GTSE1: variants seen among roughly 807,000 people sequenced by gnomAD.
GTSE1 encodes G2 and S-phase expressed 1.
Under a neutral mutation model 60.5 loss-of-function variants are expected in GTSE1, and 52 were observed. The observed-to-expected ratio is 0.86, with a 90% CI of 0.69 to 1.08. GTSE1 has a LOEUF of 1.08. GTSE1 is among the 50% of genes least tolerant of loss of function. GTSE1 has a pLI of 0.00. For synonymous variants in GTSE1, 368 were observed against 386.5 expected (o/e 0.95, Z 0.56); for missense variants, 937 against 961.8 (o/e 0.97, Z 0.34).
rs570483728 is a variant in GTSE1 at position 46,306,416 on chromosome 22, C to T, written c.80-1734C>T. On this transcript the variant is annotated intron_variant, in intron 2 of 11. Coordinates refer to ENST00000454366, the MANE Select transcript of GTSE1 (RefSeq NM_016426.7). ...CAGGATGGTCTTGATCTCCTGACCTCGTGATCCGCCCGCCTCGGCCTCCCA... is the reference window on the plus strand; with the variant it reads ...CAGGATGGTCTTGATCTCCTGACCTTGTGATCCGCCCGCCTCGGCCTCCCA... Among the ~76,000 whole-genome samples the T allele has an allele frequency of 5.0e-4, 76 of 151,850 alleles. No individual in the cohort carries two copies. In the East Asian group the frequency reaches 7.6e-3, roughly 15 times the overall value.
In GTSE1 at chr22:46,318,792, C is replaced by T. The variant is rs983887282; in HGVS notation, c.1432+2380C>T. Among the ~76,000 whole-genome samples, 1 of 152,106 alleles carries T rather than the reference C, an allele frequency of 6.6e-6. No homozygotes were observed. Among genetic ancestry groups the T allele is most frequent in the African/African-American group, 2.4e-5 (1 of 41,398 alleles). ...CGCTGCGGTCGGGATTCTGCGTAGACGTGCGACAGCTGGTCAGTACTCCTT... is the reference window on the plus strand; with the variant it reads ...CGCTGCGGTCGGGATTCTGCGTAGATGTGCGACAGCTGGTCAGTACTCCTT... On this transcript the variant is annotated intron_variant, in intron 7 of 11. Coordinates refer to ENST00000454366, the MANE Select transcript of GTSE1 (RefSeq NM_016426.7). The surrounding 1 kb of genome is among the most constrained non-coding windows in gnomAD (Gnocchi z 4.8).
chr22:46,312,830 A>T (rs1838948086), intron 5 of GTSE1, among the ~76,000 whole-genome samples: 1 of 152,032 alleles, frequency 6.6e-6, no homozygotes. Context: ...CGTTTCCCTC[A>T]TGTAGAGTTC....
At chr22:46,307,113 T>G (rs965399624) in intron 2 of GTSE1, among the ~76,000 whole-genome samples, 2 of 152,090 alleles carry the variant, frequency 1.3e-5, no homozygotes, top group African/African-American at 2.4e-5. Flanking sequence ...GAACTTGTGA[T>G]CTGTTTTAGA....
At chr22:46,323,087 C>T in intron 7 of GTSE1, 103 bp from the exon 8 acceptor site, 1 of 806,850 alleles carries the variant, frequency 1.2e-6, no homozygotes, top group Non-Finnish European at 2.2e-6. Context: ...CAAGTTGGGA[C>T]AGTGGAGATA....
rs529216448 is a variant in GTSE1 at position 46,314,236 on chromosome 22, C to T, written c.1051+223C>T. Among the ~76,000 whole-genome samples the T allele has an allele frequency of 1.8e-4, 28 of 152,330 alleles. No individual in the cohort carries two copies. Among genetic ancestry groups the T allele is most frequent in the African/African-American group, 6.7e-4 (28 of 41,570 alleles). ...CACTCAGATGGGTGGCTTCAGTCTA[C>T]GGGGTACACATGGCCAGAAAGCATG... On this transcript the variant is annotated intron_variant, in intron 6 of 11. Coordinates refer to ENST00000454366, the MANE Select transcript of GTSE1 (RefSeq NM_016426.7). The surrounding 1 kb of genome is among the most constrained non-coding windows in gnomAD (Gnocchi z 7.1).
chr22:46,323,638 G>T (rs2077826684), intron 8 of GTSE1, among the ~76,000 whole-genome samples: 1 of 152,212 alleles, frequency 6.6e-6, no homozygotes, highest in Non-Finnish European at 1.5e-5. Context: ...GGGTGACTGT[G>T]ACTTGTACCG....
rs1327184172 is a variant in GTSE1 at position 46,324,795 on chromosome 22, G to T, written c.1505+1533G>T. Among the ~76,000 whole-genome samples, 2 of 152,188 alleles carry T rather than the reference G, an allele frequency of 1.3e-5. No homozygotes were observed. The highest frequency in any genetic ancestry group is 2.9e-5 in the Non-Finnish European group (2 of 68,034). ...GTTGACAGCAGTTGCTCTCTGGAGT[G>T]ATTCTGTTTCTCTCTTGATTTCAGC... On this transcript the variant is annotated intron_variant, in intron 8 of 11. Transcript: ENST00000454366. The surrounding 1 kb of genome is among the most constrained non-coding windows in gnomAD (Gnocchi z 5.2).
In GTSE1 at chr22:46,324,681, C is replaced by G. The variant is rs1395712377; in HGVS notation, c.1505+1419C>G. On this transcript the variant is annotated intron_variant, in intron 8 of 11. Coordinates refer to ENST00000454366, the MANE Select transcript of GTSE1 (RefSeq NM_016426.7). This position sits in a 1 kb window ranked among gnomAD's most constrained non-coding sequence, Gnocchi z 5.2. ...CGCGCCTGGCCGGAATTTTTATTTT[C>G]ACTGGAATTTGTGGTGGGGCTGCCA... Among the ~76,000 whole-genome samples the G allele has an allele frequency of 6.6e-6, 1 of 152,082 alleles. No individual in the cohort carries two copies. The highest frequency in any genetic ancestry group is 1.5e-5 in the Non-Finnish European group (1 of 68,002).
At position 46,316,482 on chromosome 22, in the gene GTSE1, A is replaced by T; in HGVS notation, c.1432+70A>T. 1 of 1,049,728 alleles carries T rather than the reference A, an allele frequency of 9.5e-7. No homozygotes were observed. The highest frequency in any genetic ancestry group is 1.4e-6 in the Non-Finnish European group (1 of 712,528). The allele number at this position is 1,049,728 out of a possible 1,614,324, so 65.0% of individuals were successfully genotyped here. On this transcript the variant is annotated intron_variant, in intron 7 of 11. Transcript: ENST00000454366. The surrounding 1 kb of genome is among the most constrained non-coding windows in gnomAD (Gnocchi z 5.0). ...GAAATTGCATTTAAAGTTTTAAACA[A>T]TTATTGATGGCATTGATGGTGTTTT...
At chr22:46,299,272 C>T (rs565715123) in intron 2 of GTSE1, among the ~76,000 whole-genome samples, 1 of 152,374 alleles carries the variant, frequency 6.6e-6, no homozygotes, top group East Asian at 1.9e-4. Flanking sequence ...CCGCTTTGTG[C>T]TTTCGCCCTC....
In GTSE1 at chr22:46,330,741, A is replaced by C. The variant is rs1034101925; in HGVS notation, c.*611A>C. On this transcript the variant is annotated 3_prime_UTR_variant, in exon 12 of 12. Transcript: ENST00000454366. The surrounding 1 kb of genome is among the most constrained non-coding windows in gnomAD (Gnocchi z 6.0). ...TAGCAAGTGGCTATTTTTAAAGTTA[A>C]GTTTGTATAAATAGTTAGATATTCT... The C allele has an allele frequency of 3.3e-5, 5 of 152,438 alleles. No individual in the cohort carries two copies. Among genetic ancestry groups the C allele is most frequent in the African/African-American group, 4.8e-5 (2 of 41,444 alleles). 9.4% of individuals were successfully genotyped at this position (152,438 alleles called of 1,614,324 possible). A position where few individuals can be genotyped will look rare whatever the true frequency, so the allele number is the denominator to read the frequency against.
chr22:46,326,253 G>T (rs2147833392), intron 8 of GTSE1, among the ~76,000 whole-genome samples, 183 bp from the exon 9 acceptor site: 1 of 152,382 alleles, frequency 6.6e-6, no homozygotes, highest in East Asian at 1.9e-4. Flanking sequence ...TGGGTTGGTA[G>T]CAGCTCGGAG....
chr22:46,312,207 G>A lies in GTSE1; in HGVS notation c.829G>A (p.Asp277Asn). ...CCCAGCTGAGAAGGAATCCCACCGGGATGTTCTCCCTGACAAACCTGCCCC... is the reference window on the plus strand; with the variant it reads ...CCCAGCTGAGAAGGAATCCCACCGGAATGTTCTCCCTGACAAACCTGCCCC... ...KIPAEKESHR[D>N]VLPDKPAPGA... Residue 277 changes from aspartate to asparagine, a missense_variant, in exon 5 of 12, where the codon GAT (aspartate) becomes AAT (asparagine). By Grantham distance (23) the Asp-to-Asn change is conservative. Coordinates refer to ENST00000454366, the MANE Select transcript of GTSE1 (RefSeq NM_016426.7). 1.2e-6 allele frequency: 2 copies of A among 1,614,116 alleles called. No individual in the cohort carries two copies. Among genetic ancestry groups the A allele is most frequent in the East Asian group, 2.2e-5 (1 of 44,884 alleles).
Position 46,317,870 on chromosome 22 carries a change from C to T in GTSE1, c.1432+1458C>T, listed in dbSNP as rs370169075. Among the ~76,000 whole-genome samples the T allele has an allele frequency of 3.6e-4, 54 of 152,042 alleles. No individual in the cohort carries two copies. The highest frequency in any genetic ancestry group is 3.4e-3 in the Middle Eastern group (1 of 294). On this transcript the variant is annotated intron_variant, in intron 7 of 11. Transcript: ENST00000454366. The surrounding 1 kb of genome is among the most constrained non-coding windows in gnomAD (Gnocchi z 5.6). ...CTCCGCTCGTTGCTCCCTGGTAAGA[C>T]GGCGGTTTCTCGGCCCTGTGAGCTC...
rs372738082 is a variant in GTSE1 at position 46,308,531 on chromosome 22, G to A, written c.350G>A (p.Arg117Gln). 23 of 1,614,036 alleles carry A rather than the reference G, an allele frequency of 1.4e-5. No individual in the cohort carries two copies. Among genetic ancestry groups the A allele is most frequent in the Middle Eastern group, 1.6e-4 (1 of 6,084 alleles). Residue 117 changes from arginine (R) to glutamine (Q), a missense_variant, in exon 4 of 12, where the codon CGG (arginine) becomes CAG (glutamine). Arg to Gln is a conservative substitution (Grantham distance 43, BLOSUM62 1). Transcript: ENST00000454366. ...GCTTTACACATTGAGAGCAGCAGCC[G>A]GAACCAGGCAGCCCAAGCTGCCAAG... ...LLALHIESSS[R>Q]NQAAQAAKPE...
Position 46,304,636 on chromosome 22 carries a change from T to C in GTSE1, c.80-3514T>C, listed in dbSNP as rs908649836. 7.9e-5 allele frequency among the ~76,000 whole-genome samples: 12 copies of C among 152,312 alleles called. No homozygotes were observed. The highest frequency in any genetic ancestry group is 4.1e-4 in the South Asian group (2 of 4,828). ...AGGGAGCTTGGTTGTGTTATGTTAT[T>C]ACCACTTTAATGTTTGCAGGATTCT... is the stretch of plus-strand genomic sequence containing the variant. On this transcript the variant is annotated intron_variant, in intron 2 of 11. Coordinates refer to ENST00000454366, the MANE Select transcript of GTSE1 (RefSeq NM_016426.7). This position sits in a 1 kb window ranked among gnomAD's most constrained non-coding sequence, Gnocchi z 4.4.
chr22:46,328,907 A>C lies in GTSE1; in HGVS notation c.1926+18A>C, dbSNP rs1015925086. ...CTAGTGAGGTGGGCAGAACGGGCGC[A>C]GCTGGGTTCTGTTAGCTGAGATTCC... On this transcript the variant is annotated intron_variant, in intron 10 of 11. Coordinates refer to ENST00000454366, the MANE Select transcript of GTSE1 (RefSeq NM_016426.7). The C allele has an allele frequency of 3.1e-6, 5 of 1,596,580 alleles. No homozygotes were observed. In the East Asian group the frequency reaches 1.1e-4, roughly 36 times the overall value.
At chr22:46,328,350 C>T (rs1416726402) in intron 9 of GTSE1, among the ~76,000 whole-genome samples, 2 of 152,248 alleles carry the variant, frequency 1.3e-5, no homozygotes, top group Admixed American at 1.3e-4. Context: ...CGAGGAGGAG[C>T]TGGCCGTGGC....
chr22:46,308,284 A>G, intron 3 of GTSE1, 35 bp from the exon 4 acceptor site: 1 of 1,608,906 alleles, frequency 6.2e-7, no homozygotes, highest in Non-Finnish European at 8.5e-7. Context: ...TGCCAGTGTT[A>G]TGAGTTATTA....
Sources: gnomAD v4.1 joint callset for allele counts (sites outside exome capture counted in the v4.1 genomes callset) on GRCh38, gnomAD v4.1.1 for gene constraint, Gnocchi (gnomAD v3.1) non-coding constraint, MANE v1.5 for transcripts, NCBI Gene and HGNC (gene_info 2026-07-23, HGNC 2026-07-21) for gene names.